Variants in MEGF10 observed in about 807,000 individuals in gnomAD.
MEGF10 encodes the protein multiple epidermal growth factor-like domains protein 10.
In MEGF10, 86 loss-of-function variants were observed where a neutral mutation model predicts 147.5. That is an observed-to-expected ratio of 0.58 (90% CI 0.49 to 0.70). The LOEUF is 0.70. MEGF10 is among the 30% of genes least tolerant of loss of function. The probability of loss-of-function intolerance (pLI) is 0.00; values close to 1 mark genes in which losing one functional copy is unlikely to be tolerated. For synonymous variants in MEGF10, 478 were observed against 525.5 expected (o/e 0.91, Z 1.24); for missense variants, 1,329 against 1,487.3 (o/e 0.89, Z 1.75).
At chr5:127,437,050 A>G (rs1765575921) in intron 16 of MEGF10, among the ~76,000 whole-genome samples, 1 of 152,174 alleles carries the variant, frequency 6.6e-6, no homozygotes, top group Non-Finnish European at 1.5e-5. Context: ...ATATAGGGAG[A>G]AAAACCTAAT....
At chr5:127,379,557 T>A (rs1763173364) in intron 5 of MEGF10, among the ~76,000 whole-genome samples, 1 of 151,402 alleles carries the variant, frequency 6.6e-6, no homozygotes, top group Admixed American at 6.6e-5. Flanking sequence ...CTGCTCAGAA[T>A]AATACTCATC....
At chr5:127,304,623 A>G (rs1489086297) in intron 1 of MEGF10, among the ~76,000 whole-genome samples, 1 of 152,176 alleles carries the variant, frequency 6.6e-6, no homozygotes, top group Non-Finnish European at 1.5e-5. Context: ...CCTCCCAGGT[A>G]GCTGGGACTA....
At chr5:127,355,531 G>T (rs1255104776) in intron 4 of MEGF10, among the ~76,000 whole-genome samples, 6 of 152,014 alleles carry the variant, frequency 3.9e-5, no homozygotes, top group Non-Finnish European at 8.8e-5. Context: ...TATGGTGTCC[G>T]ACGTGGTTCA....
intron 8 of MEGF10, among the ~76,000 whole-genome samples, chr5:127,409,264 G>T (rs56320297): frequency 0.087 from 13,239 of 152,260 alleles, 752 homozygotes; most frequent in Non-Finnish European, 0.13. Context: ...CTGCTCACAT[G>T]ATACAGATCT....
At chr5:127,333,280 C>T (rs1448272634) in intron 2 of MEGF10, among the ~76,000 whole-genome samples, 1 of 151,992 alleles carries the variant, frequency 6.6e-6, no homozygotes, top group African/African-American at 2.4e-5. Context: ...CATTGGGAGG[C>T]CAAGGCAGAT....
At chr5:127,370,026 T>A (rs1328762154) in intron 5 of MEGF10, 24 bp downstream of exon 5, 1 of 1,590,894 alleles carries the variant, frequency 6.3e-7, no homozygotes, top group South Asian at 1.1e-5. Context: ...TGCTGTTGTC[T>A]GTCTCGGGAT....
At chr5:127,307,311 G>A (rs1760058774) in intron 1 of MEGF10, among the ~76,000 whole-genome samples, 1 of 152,146 alleles carries the variant, frequency 6.6e-6, no homozygotes, top group Non-Finnish European at 1.5e-5. Context: ...ACTTGACTAG[G>A]GAGCCTCTGG....
At chr5:127,262,261 T>C in the MEGF10 span, among the ~76,000 whole-genome samples, 1 of 151,796 alleles carries the variant, frequency 6.6e-6, no homozygotes, top group Non-Finnish European at 1.5e-5. Flanking sequence ...AATTAGATCT[T>C]AGATCCATTT....
At chr5:127,330,160 G>A (rs894952140) in intron 1 of MEGF10, among the ~76,000 whole-genome samples, 10 of 151,926 alleles carry the variant, frequency 6.6e-5, no homozygotes, top group Admixed American at 1.3e-4. Context: ...TGTCGATTCC[G>A]CATCCTAAAA....
chr5:127,438,482 C>T lies in MEGF10; in HGVS notation c.2148C>T (p.Cys716=), dbSNP rs760561573. ...GGGGCCCAAACTGCATCCACACGTG[C>T]AACTGCCATAATGGAGCTTTCTGCA... ...AHWGPNCIHT[C]NCHNGAFCSA... Residue 716 remains cysteine (C), a synonymous_variant, in exon 17 of 25, where the codon TGC becomes TGT. Transcript: ENST00000503335. The T allele has an allele frequency of 1.2e-6, 2 of 1,614,126 alleles. No homozygotes were observed. The highest frequency in any genetic ancestry group is 1.7e-6 in the Non-Finnish European group (2 of 1,180,000).
At chr5:127,431,486 C>A (rs1054233396) in intron 13 of MEGF10, among the ~76,000 whole-genome samples, 1 of 152,178 alleles carries the variant, frequency 6.6e-6, no homozygotes, top group Non-Finnish European at 1.5e-5. Flanking sequence ...CAAGTCCCCA[C>A]CCTAACAAAA....
chr5:127,301,485 A>C (rs1263026209), intron 1 of MEGF10, among the ~76,000 whole-genome samples: 1 of 151,956 alleles, frequency 6.6e-6, no homozygotes, highest in Admixed American at 6.6e-5. Flanking sequence ...TGTACCCTTC[A>C]TTTTGGCCAT....
intron 5 of MEGF10, among the ~76,000 whole-genome samples, chr5:127,373,232 A>G (rs1240616912): frequency 6.6e-6 from 1 of 152,026 alleles, no homozygotes; most frequent in Non-Finnish European, 1.5e-5. Flanking sequence ...GCTCACTGCA[A>G]CCTCTGCCTC....
intron 10 of MEGF10, 96 bp downstream of exon 10, chr5:127,417,908 T>A: frequency 7.9e-7 from 1 of 1,259,786 alleles, no homozygotes; most frequent in South Asian, 1.4e-5. Flanking sequence ...ATACAGTGAA[T>A]GTGCTAAAGT....
chr5:127,318,557 T>C (rs191158733), intron 1 of MEGF10, among the ~76,000 whole-genome samples: 27 of 152,316 alleles, frequency 1.8e-4, no homozygotes, highest in Admixed American at 3.9e-4. Flanking sequence ...CCAGATGATA[T>C]GCTTTAAAAA....
intron 1 of MEGF10, among the ~76,000 whole-genome samples, chr5:127,300,822 G>A (rs1019848878): frequency 2.0e-5 from 3 of 152,102 alleles, no homozygotes; most frequent in Non-Finnish European, 4.4e-5. Context: ...CACCATCATA[G>A]GTGATTGCTT....
chr5:127,391,102 G>GCGCGCGCGCGCACACA (rs1426600414), intron 5 of MEGF10, among the ~76,000 whole-genome samples: 1 of 53,894 alleles, frequency 1.9e-5, no homozygotes, highest in African/African-American at 5.1e-5. Context: ...GCGCGCGCGC[G>GCGCGCGCGCGCACACA]CACACACACA....
chr5:127,435,561 A>T, intron 16 of MEGF10, 72 bp downstream of exon 16: 24 of 1,417,820 alleles, frequency 1.7e-5, no homozygotes, highest in Non-Finnish European at 2.3e-5. Context: ...GGATTGAAGT[A>T]TGAGTGTTTT....
rs1765920523 is a variant in MEGF10, at chr5:127,445,709, G to A, written c.2728+16G>A. 6.3e-7 allele frequency: 1 copy of A among 1,590,418 alleles called. No individual in the cohort carries two copies. The highest frequency in any genetic ancestry group is 1.1e-5 in the South Asian group (1 of 90,518). On this transcript the variant is annotated intron_variant, in intron 20 of 24. Coordinates refer to ENST00000503335, the MANE Select transcript of MEGF10 (RefSeq NM_001256545.2). Reference sequence around the variant, plus strand: ...ACCATTTCAGGTAAGAGCAGAGGCAGGAGAGGCATTTTGCTTCTTGAAAAG... The same window carrying A: ...ACCATTTCAGGTAAGAGCAGAGGCAAGAGAGGCATTTTGCTTCTTGAAAAG...
Sources: allele counts gnomAD v4.1 joint callset (sites outside exome capture counted in the v4.1 genomes callset), GRCh38; gene constraint gnomAD v4.1.1; transcripts MANE v1.5; gene names NCBI Gene and HGNC (gene_info 2026-07-23, HGNC 2026-07-21).